The following MAPK8IP3 variants were observed in gnomAD, a reference collection of about 807,000 sequenced individuals.
MAPK8IP3 encodes the protein mitogen-activated protein kinase 8 interacting protein 3.
MAPK8IP3 carries 49 observed loss-of-function variants against 157.8 expected under a neutral mutation model. The ratio of observed to expected loss-of-function variants is 0.31; its 90% CI spans 0.25 to 0.39. The LOEUF (loss-of-function observed/expected upper bound fraction) is 0.39, where lower values mean the gene tolerates loss of function less well. Ranked by LOEUF, MAPK8IP3 falls within the 10% of genes least tolerant of loss-of-function variation. MAPK8IP3 has a pLI of 1.00. For missense variants in MAPK8IP3, 1,478 were observed against 1,889.4 expected, an observed-to-expected ratio of 0.78 and a Z score of 4.04; for synonymous variants, 897 against 777.7, an observed-to-expected ratio of 1.15 and a Z score of -2.55.
At position 1,759,620 on chromosome 16, in the gene MAPK8IP3, C is replaced by T. The variant is rs554452468; in HGVS notation, c.1247-338C>T. On this transcript the variant is annotated intron_variant, in intron 10 of 31. Transcript: ENST00000610761. ...CCCTCACCGCAGCTCCAACATCACT[C>T]GCCTAGGGTGGTGGCTCCGAGAGGG... Among the ~76,000 whole-genome samples, 13 of 152,340 alleles carry T rather than the reference C, an allele frequency of 8.5e-5. No homozygotes were observed. In the East Asian group the frequency reaches 2.1e-3, roughly 25 times the overall value.
intron 2 of MAPK8IP3, among the ~76,000 whole-genome samples, chr16:1,727,492 A>G (rs17135503): frequency 0.16 from 23,569 of 151,968 alleles, 2,607 homozygotes; most frequent in African/African-American, 0.3. Flanking sequence ...TGTCAGGTGC[A>G]GCGTCTGTAA....
At chr16:1,728,966 C>T (rs144210600) in intron 2 of MAPK8IP3, among the ~76,000 whole-genome samples, 172 bp from the exon 3 acceptor site, 1 of 152,166 alleles carries the variant, frequency 6.6e-6, no homozygotes, top group African/African-American at 2.4e-5. Flanking sequence ...CATCGCACAA[C>T]GCACACAGCA....
intron 1 of MAPK8IP3, among the ~76,000 whole-genome samples, chr16:1,717,249 A>G (rs1186152936): frequency 1.3e-5 from 2 of 151,058 alleles, no homozygotes; most frequent in African/African-American, 4.9e-5. Flanking sequence ...AAAAAAAAAA[A>G]AAAAAGAAAG....
intron 1 of MAPK8IP3, among the ~76,000 whole-genome samples, chr16:1,723,695 T>A (rs1409550160): frequency 1.3e-5 from 2 of 152,178 alleles, no homozygotes; most frequent in Admixed American, 1.3e-4. Flanking sequence ...CTTGATAATA[T>A]TCCCCAGTTT....
At chr16:1,739,184 ATCC>A (rs1472754057) in intron 4 of MAPK8IP3, among the ~76,000 whole-genome samples, 1 of 104,360 alleles carries the variant, frequency 9.6e-6, no homozygotes, top group Non-Finnish European at 1.9e-5. Context: ...CCATGTGAGC[ATCC>A]GTGTGACCGT....
intron 1 of MAPK8IP3, among the ~76,000 whole-genome samples, chr16:1,717,564 G>T (rs1567139584): frequency 6.6e-6 from 1 of 152,252 alleles, no homozygotes; most frequent in Non-Finnish European, 1.5e-5. Context: ...TAGATAGGTG[G>T]TCGTGTCAAA....
At chr16:1,736,953 CGTGTG>C (rs2039962368) in intron 4 of MAPK8IP3, among the ~76,000 whole-genome samples, 1 of 63,744 alleles carries the variant, frequency 1.6e-5, no homozygotes. Context: ...TCCATGTGAG[CGTGTG>C]ACCGTCCGTG....
intron 1 of MAPK8IP3, among the ~76,000 whole-genome samples, chr16:1,719,532 C>T (rs1596557723): frequency 2.6e-5 from 4 of 151,982 alleles, no homozygotes; most frequent in Admixed American, 2.6e-4. Context: ...GTGGTGCTGG[C>T]TCAGAAACAG....
chr16:1,708,410 A>G (rs2037537635), intron 1 of MAPK8IP3, among the ~76,000 whole-genome samples: 1 of 152,184 alleles, frequency 6.6e-6, no homozygotes, highest in Admixed American at 6.5e-5. Context: ...CCTGACCTGG[A>G]TTTCAGGTGG....
chr16:1,733,137 T>G (rs926404352), intron 4 of MAPK8IP3, among the ~76,000 whole-genome samples: 67 of 152,154 alleles, frequency 4.4e-4, no homozygotes, highest in African/African-American at 1.6e-3. Flanking sequence ...GCAGGCAGTT[T>G]GGCCATCCCC....
intron 8 of MAPK8IP3, among the ~76,000 whole-genome samples, chr16:1,756,859 G>GAA (rs2041631233): frequency 6.6e-6 from 1 of 152,080 alleles, no homozygotes; most frequent in African/African-American, 2.4e-5. Context: ...CTCAGCACAG[G>GAA]AAAGTCCCAT....
intron 4 of MAPK8IP3, among the ~76,000 whole-genome samples, chr16:1,732,021 C>T (rs1264765612): frequency 6.6e-6 from 1 of 152,190 alleles, no homozygotes; most frequent in Non-Finnish European, 1.5e-5. Context: ...TCTCCGTTTT[C>T]TGTGCCCTTT....
intron 10 of MAPK8IP3, among the ~76,000 whole-genome samples, chr16:1,759,472 G>A (rs1254851052): frequency 6.6e-6 from 1 of 152,162 alleles, no homozygotes; most frequent in Non-Finnish European, 1.5e-5. Flanking sequence ...TCCACTTGGG[G>A]CCTCGTGGTA....
Position 1,761,285 on chromosome 16 carries a change from AGCT to A in MAPK8IP3, c.1520_1522del (p.Ser507_Tyr508delinsAsn). 6.2e-7 allele frequency: 1 copy of A among 1,613,620 alleles called. No homozygotes were observed. Among genetic ancestry groups the A allele is most frequent in the Non-Finnish European group, 8.5e-7 (1 of 1,180,002 alleles). On this transcript the variant is annotated inframe_deletion, in exon 13 of 32. Coordinates refer to ENST00000610761, the MANE Select transcript of MAPK8IP3 (RefSeq NM_001318852.2). ...CAAAGAAGAGGCGGAGGATGTAAGC[AGCT>A]ATCTCTGTACAGAATCGGTACATCC...
Position 1,762,923 on chromosome 16 carries a change from C to G in MAPK8IP3, c.1815C>G (p.Thr605=). 10 of 1,613,120 alleles carry G rather than the reference C, an allele frequency of 6.2e-6. No individual in the cohort carries two copies. The highest frequency in any genetic ancestry group is 8.5e-6 in the Non-Finnish European group (10 of 1,180,008). The change falls in exon 16 of 32, where the codon ACC becomes ACG. Residue 605 remains threonine, a synonymous_variant. Coordinates refer to ENST00000610761, the MANE Select transcript of MAPK8IP3 (RefSeq NM_001318852.2). Reference sequence around the variant, plus strand: ...TGAACATCCACTACAAGTCACCCACCACTGCCGGCTTCAGCCAGCGCCGCA... The same window carrying G: ...TGAACATCCACTACAAGTCACCCACGACTGCCGGCTTCAGCCAGCGCCGCA... The part of the protein sequence containing the change: ...PSVNIHYKSP[T]TAGFSQRRNH...
intron 2 of MAPK8IP3, among the ~76,000 whole-genome samples, chr16:1,728,044 A>G (rs2141724753): frequency 6.6e-6 from 1 of 152,334 alleles, no homozygotes; most frequent in African/African-American, 2.4e-5. Flanking sequence ...AGCCCTCCCC[A>G]TTGGTGGGCT....
rs367888131 is a variant in MAPK8IP3, at chr16:1,766,623, A to G, written c.2914A>G (p.Met972Val). The stretch of plus-strand genomic sequence containing the variant: ...AGCAGGCAGCAGTGCTGCACCCACC[A>G]TGTGGCTGGGAGCCCAGAACGGCTG... ...TGAGSSAAPT[M>V]WLGAQNGWLY... Residue 972 changes from methionine to valine, a missense_variant, in exon 23 of 32, where the codon ATG becomes GTG. By Grantham distance (21) the Met-to-Val change is conservative. Coordinates refer to ENST00000610761, the MANE Select transcript of MAPK8IP3 (RefSeq NM_001318852.2). 1.2e-6 allele frequency: 2 copies of G among 1,612,428 alleles called. No individual in the cohort carries two copies. Among genetic ancestry groups the G allele is most frequent in the South Asian group, 1.1e-5 (1 of 91,070 alleles).
rs2040812431 is a variant in MAPK8IP3 at position 1,743,727 on chromosome 16, C to G, written c.747+251C>G. 7.2e-7 allele frequency: 1 copy of G among 1,379,606 alleles called. No homozygotes were observed. Among genetic ancestry groups the G allele is most frequent in the East Asian group, 3.0e-5 (1 of 33,778 alleles). 85.5% of individuals were successfully genotyped at this position (1,379,606 alleles called of 1,614,324 possible). ...ACCTGCTAGTCCAGGCTAGACCTCC[C>G]TGCCCTTGGATAGACCGCTCTGTAG... On this transcript the variant is annotated intron_variant, in intron 5 of 31. Coordinates refer to ENST00000610761, the MANE Select transcript of MAPK8IP3 (RefSeq NM_001318852.2). The surrounding 1 kb of genome is among the most constrained non-coding windows in gnomAD (Gnocchi z 5.6).
At chr16:1,748,545 G>A in intron 7 of MAPK8IP3, 57 bp from the exon 8 acceptor site, 1 of 1,421,564 alleles carries the variant, frequency 7.0e-7, no homozygotes, top group Non-Finnish European at 9.9e-7. Context: ...TGCAGACGCA[G>A]CCACTCCGGG....
Sources: gnomAD v4.1 joint callset for allele counts (sites outside exome capture counted in the v4.1 genomes callset) on GRCh38, gnomAD v4.1.1 for gene constraint, Gnocchi (gnomAD v3.1) non-coding constraint, MANE v1.5 for transcripts, NCBI Gene and HGNC (gene_info 2026-07-23, HGNC 2026-07-21) for gene names.